C8B: variants seen among roughly 807,000 people sequenced by gnomAD.
The protein encoded by C8B is complement C8 beta chain.
Under a neutral mutation model 64.6 loss-of-function variants are expected in C8B, and 67 were observed. The ratio of observed to expected loss-of-function variants is 1.04; its 90% confidence interval spans 0.85 to 1.27. The LOEUF is 1.27. Ranked by LOEUF, C8B falls within the 50% of genes most tolerant of loss-of-function variation. C8B has a pLI of 0.00. For missense variants in C8B, 790 were observed against 725.2 expected, an observed-to-expected ratio of 1.09 and a Z score of -1.03; for synonymous variants, 284 against 257.7, an observed-to-expected ratio of 1.10 and a Z score of -0.98.
At chr1:56,965,479 GTAGAGTA>G (rs1645242306) in intron 1 of C8B, among the ~76,000 whole-genome samples, 2 of 151,730 alleles carry the variant, frequency 1.3e-5, no homozygotes, top group Admixed American at 1.3e-4. Context: ...TGATGAGCAG[GTAGAGTA>G]GGTCAATCTC....
chr1:56,938,716 T>C (rs192783956), intron 9 of C8B, among the ~76,000 whole-genome samples: 1 of 152,322 alleles, frequency 6.6e-6, no homozygotes, highest in East Asian at 1.9e-4. Context: ...GACTTGATCT[T>C]GAAGACTGGT....
Position 56,949,464 on chromosome 1 carries a change from T to G in C8B, c.864+91A>C, listed in dbSNP as rs148116725. On this transcript the variant is annotated intron_variant, in intron 6 of 11. Transcript: ENST00000371237. ...GTGAGCCAAGTAAATGTCTTTTCTTTATAAATCATCCATTCTGTGGTGTTT... is the reference window on the plus strand; with the variant it reads ...GTGAGCCAAGTAAATGTCTTTTCTTGATAAATCATCCATTCTGTGGTGTTT... 236 of 1,213,500 alleles carry G rather than the reference T, an allele frequency of 1.9e-4. 1 individual carries two copies. The African/African-American group carries it at 2.9e-3, about 15-fold the overall frequency. The allele number at this position is 1,213,500 out of a possible 1,614,324, so 75.2% of individuals were successfully genotyped here.
chr1:56,934,721 C>T (rs1247343627), intron 9 of C8B, among the ~76,000 whole-genome samples: 2 of 152,038 alleles, frequency 1.3e-5, no homozygotes, highest in Non-Finnish European at 2.9e-5. Context: ...ATTGTCTCAC[C>T]ATTTTGTGGT....
Position 56,949,690 on chromosome 1 carries a change from A to G in C8B, c.729T>C (p.Asn243=). Residue 243 remains asparagine (N), a synonymous_variant, in exon 6 of 12, where the codon AAT becomes AAC. Coordinates refer to ENST00000371237, the MANE Select transcript of C8B (RefSeq NM_000066.4). ...ACTTGCTTGCCATTTTCTCTGTGAC[A>G]TTGCGTTCAAAATCTGAGTATGATT... ...EYESYSDFER[N]VTEKMASKSG... 6.2e-7 allele frequency: 1 copy of G among 1,614,044 alleles called. No homozygotes were observed. The highest frequency in any genetic ancestry group is 8.5e-7 in the Non-Finnish European group (1 of 1,179,940).
At chr1:56,942,074 A>G (rs982526467) in intron 8 of C8B, among the ~76,000 whole-genome samples, 2 of 152,260 alleles carry the variant, frequency 1.3e-5, no homozygotes, top group Middle Eastern at 3.2e-3. Context: ...TCAGTCAGTA[A>G]TCTAAGTGCT....
intron 2 of C8B, chr1:56,959,406 T>A (rs1645145326): frequency 6.0e-6 from 4 of 665,390 alleles, no homozygotes; most frequent in Non-Finnish European, 1.1e-5. Context: ...GATTGCTTTA[T>A]CCAACTGGAG....
chr1:56,945,770 A>G (rs1193691458), intron 7 of C8B, 51 bp downstream of exon 7: 22 of 1,611,948 alleles, frequency 1.4e-5, no homozygotes, highest in Non-Finnish European at 1.6e-5. Context: ...AGTTCAACTT[A>G]TGACTCTTCC....
chr1:56,933,280 G>A (rs982214651), intron 10 of C8B, 55 bp downstream of exon 10: 34 of 1,481,344 alleles, frequency 2.3e-5, no homozygotes, highest in East Asian at 6.8e-5. Context: ...GCTGGCCCCC[G>A]GCCTGCTTCA....
intron 7 of C8B, among the ~76,000 whole-genome samples, chr1:56,945,302 CA>C (rs1644925166): frequency 6.6e-6 from 1 of 152,170 alleles, no homozygotes; most frequent in Non-Finnish European, 1.5e-5. Flanking sequence ...AAAGAAAAAA[CA>C]GCAGATTTGA....
intron 2 of C8B, 134 bp downstream of exon 2, chr1:56,959,886 G>T: frequency 1.0e-6 from 1 of 969,866 alleles, no homozygotes; most frequent in African/African-American, 1.6e-5. Context: ...AGAAGGAAAG[G>T]ATGCATTTAT....
Position 56,940,915 on chromosome 1 carries a change from C to A in C8B, c.1332G>T (p.Pro444=), listed in dbSNP as rs750634264. 5 of 1,614,074 alleles carry A rather than the reference C, an allele frequency of 3.1e-6. No homozygotes were observed. Among genetic ancestry groups the A allele is most frequent in the Non-Finnish European group, 3.4e-6 (4 of 1,180,012 alleles). Residue 444 remains proline (P), a synonymous_variant, in exon 9 of 12, where the codon CCG becomes CCT. Coordinates refer to ENST00000371237, the MANE Select transcript of C8B (RefSeq NM_000066.4). ...CCCACTCCTGCATCAGGTCCGCCGTCGGCAGCTCCTGGTATGCCAGGGTGG... is the reference window on the plus strand; with the variant it reads ...CCCACTCCTGCATCAGGTCCGCCGTAGGCAGCTCCTGGTATGCCAGGGTGG... ...HITTLAYQEL[P]TADLMQEWGD...
chr1:56,965,394 A>AGTGTGTGTGTGTGT (rs1408495707), intron 1 of C8B, among the ~76,000 whole-genome samples: 1 of 87,578 alleles, frequency 1.1e-5, no homozygotes, highest in East Asian at 2.6e-4. Context: ...AGAGAGAGAG[A>AGTGTGTGTGTGTGT]GAGAGTGTGT....
rs975567951 is a variant in C8B at position 56,941,474 on chromosome 1, ATAGATAATAG to A, written c.1235-472_1235-463del. Among the ~76,000 whole-genome samples, 57 of 152,010 alleles carry A rather than the reference ATAGATAATAG, an allele frequency of 3.7e-4. 1 individual carries two copies. Among genetic ancestry groups the A allele is most frequent in the African/African-American group, 1.2e-3 (48 of 41,388 alleles). On this transcript the variant is annotated intron_variant, in intron 8 of 11. Transcript: ENST00000371237. Reference sequence around the variant, plus strand: ...GAAAGATAGACAGACAGATAAATAGATAGATAATAGTAGATAATAGTAGATAGATAGATAC... The same window carrying A: ...GAAAGATAGACAGACAGATAAATAGATAGATAATAGTAGATAGATAGATAC...
intron 5 of C8B, among the ~76,000 whole-genome samples, chr1:56,951,658 C>A (rs1039047705): frequency 6.6e-6 from 1 of 152,218 alleles, no homozygotes; most frequent in African/African-American, 2.4e-5. Context: ...CACACATTAT[C>A]TCACTAATCC....
chr1:56,939,228 C>A (rs1011569787), intron 9 of C8B, among the ~76,000 whole-genome samples: 4 of 152,188 alleles, frequency 2.6e-5, no homozygotes, highest in South Asian at 4.1e-4. Context: ...CTCCCATGAC[C>A]AGCTGTGATG....
At chr1:56,930,349 A>C (rs545136391) in intron 11 of C8B, among the ~76,000 whole-genome samples, 1 of 152,316 alleles carries the variant, frequency 6.6e-6, no homozygotes, top group South Asian at 2.1e-4. Flanking sequence ...ACAATTTATC[A>C]TGTGTCCAGC....
At chr1:56,957,990 G>C (rs1279518001) in intron 2 of C8B, among the ~76,000 whole-genome samples, 1 of 152,174 alleles carries the variant, frequency 6.6e-6, no homozygotes, top group African/African-American at 2.4e-5. Flanking sequence ...GAGTGATATG[G>C]GTGGAGGAAA....
In C8B at chr1:56,956,783, A is replaced by G. The variant is rs778583924; in HGVS notation, c.377T>C (p.Val126Ala). ...TTGATTTATACCTGTCTGTGCACAC[A>G]CAAAGCCTTCACATCGCACTTGACT... ...CGSQVRCEGF[V>A]CAQTGRCVNR... The change falls in exon 3 of 12, where the codon GTG becomes GCG. Residue 126 changes from valine to alanine, a missense_variant. Physicochemically the swap from Val to Ala is moderately conservative, Grantham distance 64. Coordinates refer to ENST00000371237, the MANE Select transcript of C8B (RefSeq NM_000066.4). 1.4e-5 allele frequency: 23 copies of G among 1,613,928 alleles called. No homozygotes were observed. The East Asian group carries it at 4.9e-4, about 34-fold the overall frequency.
intron 1 of C8B, among the ~76,000 whole-genome samples, chr1:56,961,361 CT>C (rs2101467872): frequency 6.6e-6 from 1 of 152,318 alleles, no homozygotes; most frequent in South Asian, 2.1e-4. Context: ...ATCACCCACG[CT>C]ATCTTCTTCT....
Sources: gnomAD v4.1 joint callset for allele counts (sites outside exome capture counted in the v4.1 genomes callset) on GRCh38, gnomAD v4.1.1 for gene constraint, MANE v1.5 for transcripts, NCBI Gene and HGNC (gene_info 2026-07-23, HGNC 2026-07-21) for gene names.